Variants in TULP4 observed in about 807,000 individuals in gnomAD.
TULP4 encodes the protein TUB like protein 4.
In TULP4, 16 loss-of-function variants were observed where a neutral mutation model predicts 129.0. That is an observed-to-expected ratio of 0.12 (90% CI 0.08 to 0.19). The LOEUF (loss-of-function observed/expected upper bound fraction) is 0.19. Among genes scored for constraint, TULP4 ranks in the 10% least tolerant of loss-of-function variants. TULP4 has a pLI of 1.00. For missense variants in TULP4, 1,842 were observed against 2,059.1 expected (o/e 0.89, Z 2.04); for synonymous variants, 998 against 854.0 (o/e 1.17, Z -2.94).
chr6:158,273,471 C>G (rs1778585499), intron 1 of TULP4, among the ~76,000 whole-genome samples: 1 of 152,180 alleles, frequency 6.6e-6, no homozygotes, highest in Non-Finnish European at 1.5e-5. Flanking sequence ...ATGACACTGA[C>G]TTATCTCCAG....
chr6:158,405,975 A>G (rs1777969738), intron 1 of TULP4, among the ~76,000 whole-genome samples: 1 of 152,226 alleles, frequency 6.6e-6, no homozygotes, highest in South Asian at 2.1e-4. Context: ...TGACAGCAAG[A>G]ACACATGCTT....
intron 1 of TULP4, among the ~76,000 whole-genome samples, chr6:158,288,751 C>T (rs1387856224): frequency 3.9e-5 from 6 of 152,140 alleles, no homozygotes; most frequent in African/African-American, 4.8e-5. Context: ...CCACCCTCCT[C>T]GACCTCCCAA....
intron 1 of TULP4, among the ~76,000 whole-genome samples, chr6:158,348,430 C>T (rs1377403220): frequency 1.3e-5 from 2 of 151,912 alleles, no homozygotes; most frequent in African/African-American, 2.4e-5. Context: ...CATCTTGCAC[C>T]GCCCTTAATC....
chr6:158,308,542 C>T (rs551027893), upstream of TULP4, among the ~76,000 whole-genome samples: 85 of 152,184 alleles, frequency 5.6e-4, no homozygotes, highest in Admixed American at 1.8e-3. Context: ...GGGTGGCGGC[C>T]GGGCAGAGGG....
In TULP4 at chr6:158,313,833, A is replaced by G. The variant is rs915579764; in HGVS notation, c.-184A>G. The G allele has an allele frequency of 2.7e-5, 17 of 628,242 alleles. No individual in the cohort carries two copies. The Admixed American group carries it at 4.9e-4, about 18-fold the overall frequency. 38.9% of individuals were successfully genotyped at this position (628,242 alleles called of 1,614,324 possible). ...TCATCTTTTATAGAGGAATTTTTTC[A>G]CTATGCATTCGGTGGATCTTTATAA... On this transcript the variant is annotated 5_prime_UTR_variant, in exon 1 of 14. Coordinates refer to ENST00000367097, the MANE Select transcript of TULP4 (RefSeq NM_020245.5).
At chr6:158,273,615 T>G (rs1023503015) in intron 1 of TULP4, among the ~76,000 whole-genome samples, 2 of 152,072 alleles carry the variant, frequency 1.3e-5, no homozygotes, top group Non-Finnish European at 2.9e-5. Flanking sequence ...TGTCCCATTC[T>G]TCTTCAGCTC....
intron 1 of TULP4, among the ~76,000 whole-genome samples, chr6:158,239,006 G>A (rs1211145337): frequency 3.6e-5 from 5 of 139,310 alleles, no homozygotes; most frequent in African/African-American, 1.0e-4. Context: ...AGGGGTGGCC[G>A]GGCAGAGGCG....
chr6:158,326,645 G>A (rs1214726506), intron 1 of TULP4, among the ~76,000 whole-genome samples: 3 of 152,118 alleles, frequency 2.0e-5, no homozygotes, highest in Admixed American at 2.0e-4. Context: ...GTTTGGCTGG[G>A]TACAGATTTC....
At chr6:158,369,094 G>T (rs951835967) in intron 1 of TULP4, among the ~76,000 whole-genome samples, 7 of 152,128 alleles carry the variant, frequency 4.6e-5, no homozygotes, top group African/African-American at 1.2e-4. Context: ...TCATGCAAAG[G>T]TCATGATTAT....
At position 158,481,072 on chromosome 6, in the gene TULP4, G is replaced by C; in HGVS notation, c.1269G>C (p.Pro423=). 1 of 1,574,692 alleles carries C rather than the reference G, an allele frequency of 6.4e-7. No homozygotes were observed. The highest frequency in any genetic ancestry group is 1.3e-5 in the African/African-American group (1 of 74,228). ...TCCTCCAGCCCCCAATTCCAGATCC[G>C]AACAACATGAGAGACTTTGTCAGCT... The part of the protein sequence containing the change: ...IPTIKPPIPD[P]NNMRDFVSYP... The change falls in exon 8 of 14, where the codon CCG becomes CCC. Residue 423 remains proline (P), a synonymous_variant. Transcript: ENST00000367097.
chr6:158,479,921 T>A lies in TULP4; in HGVS notation c.1197T>A (p.Thr399=), dbSNP rs750471157. 6.2e-7 allele frequency: 1 copy of A among 1,611,442 alleles called. No homozygotes were observed. The highest frequency in any genetic ancestry group is 8.5e-7 in the Non-Finnish European group (1 of 1,179,958). The change falls in exon 7 of 14, where the codon ACT becomes ACA. Residue 399 remains threonine (T), a synonymous_variant. Coordinates refer to ENST00000367097, the MANE Select transcript of TULP4 (RefSeq NM_020245.5). ...LREDKDVSKL[T]LPPRLCSYLS... is the part of the protein sequence containing the mutation. ...AGGACAAGGACGTCAGCAAGCTGAC[T>A]CTGCCCCCCCGCCTCTGCTCCTACC...
At chr6:158,433,770 C>T (rs1007492119) in intron 3 of TULP4, among the ~76,000 whole-genome samples, 1 of 152,184 alleles carries the variant, frequency 6.6e-6, no homozygotes, top group Admixed American at 6.5e-5. Context: ...CTGATTTGTT[C>T]AAAGGATGTG....
intron 6 of TULP4, among the ~76,000 whole-genome samples, chr6:158,463,220 A>T (rs1779481693): frequency 1.3e-5 from 2 of 152,352 alleles, no homozygotes; most frequent in Non-Finnish European, 2.9e-5. Context: ...TTGTTATGCC[A>T]GTGATGAACC....
chr6:158,315,041 C>T (rs1444797325), intron 1 of TULP4, among the ~76,000 whole-genome samples: 1 of 152,200 alleles, frequency 6.6e-6, no homozygotes, highest in African/African-American at 2.4e-5. Context: ...TTTTACTCTT[C>T]ACTAGCTTAT....
In TULP4 at chr6:158,502,456, G is replaced by A. The variant is rs1175110725; in HGVS notation, c.2793G>A (p.Glu931=). 6.2e-7 allele frequency: 1 copy of A among 1,613,192 alleles called. No homozygotes were observed. The highest frequency in any genetic ancestry group is 1.3e-5 in the African/African-American group (1 of 74,750). Residue 931 remains glutamate, a synonymous_variant, in exon 13 of 14, where the codon GAG becomes GAA. Transcript: ENST00000367097. ...CCACCTTGAGGCTCACGGCCACTGA[G>A]AAGAAGGTCCCTCAGCCCTGCAGCA... The part of the protein sequence containing the change: ...SSATLRLTAT[E]KKVPQPCSSA...
chr6:158,399,889 A>G (rs1226309928), intron 1 of TULP4, among the ~76,000 whole-genome samples: 1 of 152,210 alleles, frequency 6.6e-6, no homozygotes, highest in Non-Finnish European at 1.5e-5. Context: ...ACACTCTAAA[A>G]GAGCTTGAGA....
Position 158,502,498 on chromosome 6 carries a change from C to T in TULP4, c.2835C>T (p.Arg945=). ...CCTGCAGCAGTGCCACCCTGAACCGCCTGACCGTCCCTCGCTACTCCATCC... is the reference window on the plus strand; with the variant it reads ...CCTGCAGCAGTGCCACCCTGAACCGTCTGACCGTCCCTCGCTACTCCATCC... ...PQPCSSATLN[R]LTVPRYSIPT... Residue 945 remains arginine (R), a synonymous_variant, in exon 13 of 14, where the codon CGC becomes CGT. Coordinates refer to ENST00000367097, the MANE Select transcript of TULP4 (RefSeq NM_020245.5). 6.2e-7 allele frequency: 1 copy of T among 1,613,064 alleles called. No individual in the cohort carries two copies. The highest frequency in any genetic ancestry group is 8.5e-7 in the Non-Finnish European group (1 of 1,179,932).
rs1052363478 is a variant in TULP4 at position 158,507,057 on chromosome 6, A to G, written c.*363A>G. The G allele has an allele frequency of 8.8e-6, 2 of 226,354 alleles. No individual in the cohort carries two copies. The highest frequency in any genetic ancestry group is 5.2e-5 in the Admixed American group (1 of 19,402). 14.0% of individuals were successfully genotyped at this position (226,354 alleles called of 1,614,324 possible). On this transcript the variant is annotated 3_prime_UTR_variant, in exon 14 of 14. Transcript: ENST00000367097. ...TGCTATTCTTTTAGACATAGGGAGG[A>G]TGCATTATCCTGTATTCTCCTCCAA...
intron 1 of TULP4, among the ~76,000 whole-genome samples, chr6:158,329,018 G>A (rs3196816): frequency 0.86 from 131,005 of 152,156 alleles, 56,830 homozygotes; most frequent in South Asian, 0.93. Flanking sequence ...AAGGAAAAAC[G>A]TGAGAATTTG....
Sources: allele counts gnomAD v4.1 joint callset (sites outside exome capture counted in the v4.1 genomes callset), GRCh38; gene constraint gnomAD v4.1.1; transcripts MANE v1.5; gene names NCBI Gene and HGNC (gene_info 2026-07-23, HGNC 2026-07-21).